Variants in FMNL2 observed in about 807,000 individuals in gnomAD.
FMNL2 encodes the protein formin like 2.
FMNL2 carries 51 observed loss-of-function variants against 130.2 expected under a neutral mutation model. The ratio of observed to expected loss-of-function variants is 0.39; its 90% confidence interval spans 0.31 to 0.49. FMNL2 has a LOEUF of 0.49. FMNL2 is among the 20% of genes least tolerant of loss of function. The pLI is 0.85. For synonymous variants in FMNL2, 465 were observed against 467.1 expected (o/e 1.00, Z 0.06); for missense variants, 977 against 1,316.2 (o/e 0.74, Z 3.99).
intron 1 of FMNL2, among the ~76,000 whole-genome samples, chr2:152,472,133 T>C (rs946147275): frequency 3.9e-5 from 6 of 152,242 alleles, no homozygotes; most frequent in South Asian, 4.1e-4. Flanking sequence ...TCGATTAATA[T>C]AGTCTTTCTA....
At chr2:152,541,978 A>G (rs1248351995) in intron 2 of FMNL2, among the ~76,000 whole-genome samples, 1 of 152,214 alleles carries the variant, frequency 6.6e-6, no homozygotes, top group Non-Finnish European at 1.5e-5. Context: ...TACACGTGGC[A>G]TGAATTTTTC....
chr2:152,614,122 C>G (rs1490618946), intron 11 of FMNL2, among the ~76,000 whole-genome samples: 1 of 152,204 alleles, frequency 6.6e-6, no homozygotes, highest in Admixed American at 6.5e-5. Context: ...CTACTGGAAC[C>G]ACTGTAACTA....
In FMNL2 at chr2:152,625,424, T is replaced by G; in HGVS notation, c.1838-14T>G. 1 of 1,600,966 alleles carries G rather than the reference T, an allele frequency of 6.2e-7. No individual in the cohort carries two copies. Among genetic ancestry groups the G allele is most frequent in the South Asian group, 1.1e-5 (1 of 90,384 alleles). ...TTGGTGGGATCTTAATTCCATTCTCTTTGATGTCTTTAGCTGTGAAAATTA... is the reference window on the plus strand; with the variant it reads ...TTGGTGGGATCTTAATTCCATTCTCGTTGATGTCTTTAGCTGTGAAAATTA... On this transcript the variant is annotated splice_polypyrimidine_tract_variant and intron_variant, in intron 15 of 25. Coordinates refer to ENST00000288670, the MANE Select transcript of FMNL2 (RefSeq NM_052905.4).
At position 152,561,390 on chromosome 2, in the gene FMNL2, A is replaced by G. The variant is rs145332338; in HGVS notation, c.596+355A>G. ...TCCAGGGTAGAGGCAGCACTTAGAGATCTGGGATCTCTGCCCTTTGTTACC... is the reference window on the plus strand; with the variant it reads ...TCCAGGGTAGAGGCAGCACTTAGAGGTCTGGGATCTCTGCCCTTTGTTACC... On this transcript the variant is annotated intron_variant, in intron 6 of 25. Transcript: ENST00000288670. Among the ~76,000 whole-genome samples the G allele has an allele frequency of 4.8e-4, 73 of 152,048 alleles. No homozygotes were observed. The East Asian group carries it at 0.014, about 28-fold the overall frequency.
At chr2:152,336,733 GAC>G (rs1218459712) in intron 1 of FMNL2, among the ~76,000 whole-genome samples, 1 of 152,120 alleles carries the variant, frequency 6.6e-6, no homozygotes, top group East Asian at 1.9e-4. Context: ...TGTTGGGAGG[GAC>G]ACACACAGGC....
At position 152,572,692 on chromosome 2, in the gene FMNL2, G is replaced by A. The variant is rs543749216; in HGVS notation, c.597-2444G>A. 1.8e-3 allele frequency among the ~76,000 whole-genome samples: 274 copies of A among 152,206 alleles called. 1 individual carries two copies. The highest frequency in any genetic ancestry group is 6.3e-3 in the African/African-American group (260 of 41,534). On this transcript the variant is annotated intron_variant, in intron 6 of 25. Coordinates refer to ENST00000288670, the MANE Select transcript of FMNL2 (RefSeq NM_052905.4). The stretch of plus-strand genomic sequence containing the variant: ...CAGGAATCTGAGGCTGCAGGGAGCC[G>A]TGATCATGGTACTGCACTTCAGCCT...
At position 152,535,594 on chromosome 2, in the gene FMNL2, C is replaced by T. The variant is rs533644528; in HGVS notation, c.202-7145C>T. On this transcript the variant is annotated intron_variant, in intron 2 of 25. Transcript: ENST00000288670. ...TCTGGATAGGTGAAAGAGTAAAAAG[C>T]CTTTTTTAAAGTTTTCGTGTTAGTG... Among the ~76,000 whole-genome samples the T allele has an allele frequency of 2.6e-5, 4 of 152,264 alleles. No individual in the cohort carries two copies. In the East Asian group the frequency reaches 7.7e-4, roughly 29 times the overall value.
intron 1 of FMNL2, among the ~76,000 whole-genome samples, chr2:152,501,916 T>C (rs763702133): frequency 6.6e-6 from 1 of 152,230 alleles, no homozygotes; most frequent in African/African-American, 2.4e-5. Context: ...TAAGTTATAG[T>C]TTCCGGAAGG....
chr2:152,385,770 G>A (rs1022906485), intron 1 of FMNL2, among the ~76,000 whole-genome samples: 4 of 152,152 alleles, frequency 2.6e-5, no homozygotes, highest in African/African-American at 9.7e-5. Context: ...TGTTCATGAA[G>A]TTTTTATTTA....
At chr2:152,478,229 CATATATATAT>C (rs1553462980) in intron 1 of FMNL2, among the ~76,000 whole-genome samples, 22 of 116,880 alleles carry the variant, frequency 1.9e-4, no homozygotes, top group East Asian at 1.3e-3. Context: ...TACATATATA[CATATATATAT>C]ATATATATAT....
intron 1 of FMNL2, among the ~76,000 whole-genome samples, chr2:152,428,423 C>A (rs923221341): frequency 6.6e-6 from 1 of 152,136 alleles, no homozygotes; most frequent in Non-Finnish European, 1.5e-5. Context: ...TTTAAAATGC[C>A]ATAGAAATAT....
At chr2:152,578,197 C>T (rs57173254) in intron 7 of FMNL2, among the ~76,000 whole-genome samples, 35,884 of 151,938 alleles carry the variant, frequency 0.24, 5,948 homozygotes, top group African/African-American at 0.47. Context: ...TGGATGTTTT[C>T]TCTGATGAGC....
chr2:152,485,639 A>G (rs368555280), intron 1 of FMNL2, among the ~76,000 whole-genome samples: 2 of 152,202 alleles, frequency 1.3e-5, no homozygotes, highest in African/African-American at 4.8e-5. Flanking sequence ...AAAACTGAAA[A>G]TGTGTCCTTC....
chr2:152,463,197 T>G (rs1689346919), intron 1 of FMNL2, among the ~76,000 whole-genome samples: 1 of 152,236 alleles, frequency 6.6e-6, no homozygotes, highest in Admixed American at 6.5e-5. Flanking sequence ...AGACCAACAT[T>G]TATACTTCTG....
At position 152,583,717 on chromosome 2, in the gene FMNL2, C is replaced by T. The variant is rs1473776040; in HGVS notation, c.876+2668C>T. Among the ~76,000 whole-genome samples, 3 of 152,314 alleles carry T rather than the reference C, an allele frequency of 2.0e-5. No homozygotes were observed. In the East Asian group the frequency reaches 5.8e-4, roughly 29 times the overall value. On this transcript the variant is annotated intron_variant, in intron 9 of 25. Coordinates refer to ENST00000288670, the MANE Select transcript of FMNL2 (RefSeq NM_052905.4). ...ATCAAATCCAGCACCATGTTGGACC[C>T]AGTTTGTCTTTGCCAGCTTGGCCCA...
intron 1 of FMNL2, among the ~76,000 whole-genome samples, chr2:152,485,274 C>A (rs539132687): frequency 7.2e-5 from 11 of 152,146 alleles, no homozygotes; most frequent in Non-Finnish European, 1.3e-4. Context: ...GGGCAGATCA[C>A]GAGGTCAAGA....
At chr2:152,336,615 G>T (rs1316965574) in intron 1 of FMNL2, among the ~76,000 whole-genome samples, 3 of 152,136 alleles carry the variant, frequency 2.0e-5, no homozygotes, top group Non-Finnish European at 4.4e-5. Flanking sequence ...CCCAGCCGAG[G>T]CTTGTGCTGT....
intron 2 of FMNL2, among the ~76,000 whole-genome samples, chr2:152,525,364 G>A (rs537964859): frequency 4.4e-4 from 67 of 152,312 alleles, no homozygotes; most frequent in Admixed American, 3.8e-3. Flanking sequence ...GATGACTAAT[G>A]CAGATGGGTG....
intron 6 of FMNL2, among the ~76,000 whole-genome samples, chr2:152,561,903 A>G (rs1433379486): frequency 1.3e-5 from 2 of 152,012 alleles, no homozygotes; most frequent in Non-Finnish European, 2.9e-5. Context: ...ATTTTCTCCT[A>G]AGTATTCCCT....
Sources: allele counts gnomAD v4.1 joint callset (sites outside exome capture counted in the v4.1 genomes callset), GRCh38; gene constraint gnomAD v4.1.1; transcripts MANE v1.5; gene names NCBI Gene and HGNC (gene_info 2026-07-23, HGNC 2026-07-21).